Variants in GRAMD1B observed in about 807,000 individuals in gnomAD.
The protein encoded by GRAMD1B is GRAM domain containing 1B.
Under a neutral mutation model 99.7 loss-of-function variants are expected in GRAMD1B, and 37 were observed. The ratio of observed to expected loss-of-function variants is 0.37; its 90% CI spans 0.29 to 0.49. The LOEUF is 0.49. Ranked by LOEUF, GRAMD1B falls within the 20% of genes least tolerant of loss-of-function variation. GRAMD1B has a pLI of 0.98. For missense variants in GRAMD1B, 888 were observed against 1,009.2 expected, an observed-to-expected ratio of 0.88 and a Z score of 1.63; for synonymous variants, 427 against 387.6, an observed-to-expected ratio of 1.10 and a Z score of -1.19.
chr11:123,488,637 G>T (rs561479166), intron 2 of GRAMD1B, among the ~76,000 whole-genome samples: 4 of 151,468 alleles, frequency 2.6e-5, no homozygotes, highest in African/African-American at 7.3e-5. Flanking sequence ...TTCTCCCCTC[G>T]CCACCCCACG....
At chr11:123,595,740 A>G (rs949711062) in intron 6 of GRAMD1B, among the ~76,000 whole-genome samples, 3 of 152,214 alleles carry the variant, frequency 2.0e-5, no homozygotes, top group African/African-American at 4.8e-5. Context: ...ATGGCTGTAG[A>G]CAAGGCTCAG....
chr11:123,474,169 C>A (rs1302408463), intron 1 of GRAMD1B, among the ~76,000 whole-genome samples: 1 of 152,214 alleles, frequency 6.6e-6, no homozygotes, highest in Non-Finnish European at 1.5e-5. Flanking sequence ...ATGATACACT[C>A]ACCAAGGGCC....
chr11:123,524,860 C>T (rs1020042142), intron 2 of GRAMD1B, among the ~76,000 whole-genome samples: 2 of 152,126 alleles, frequency 1.3e-5, no homozygotes, highest in Non-Finnish European at 2.9e-5. Context: ...GTCACCCATC[C>T]GCATTACTGA....
At chr11:123,461,028 T>A (rs180727618) in intron 1 of GRAMD1B, among the ~76,000 whole-genome samples, 18 of 152,238 alleles carry the variant, frequency 1.2e-4, no homozygotes, top group Admixed American at 5.2e-4. Flanking sequence ...TTTTAAGAGG[T>A]TTGGCTTGTG....
intron 3 of GRAMD1B, among the ~76,000 whole-genome samples, chr11:123,582,996 G>A (rs1949551645): frequency 6.6e-6 from 1 of 152,204 alleles, no homozygotes; most frequent in Non-Finnish European, 1.5e-5. Context: ...ATGTGTGTGT[G>A]TGCATGCGCA....
rs865925803 is a variant in GRAMD1B, at chr11:123,587,556, G to A, written c.684+3224G>A. Among the ~76,000 whole-genome samples the A allele has an allele frequency of 1.2e-4, 19 of 152,216 alleles. No individual in the cohort carries two copies. The highest frequency in any genetic ancestry group is 4.1e-4 in the African/African-American group (17 of 41,454). On this transcript the variant is annotated intron_variant, in intron 4 of 19. Coordinates refer to ENST00000635736, the MANE Select transcript of GRAMD1B (RefSeq NM_001387025.1). This position sits in a 1 kb window ranked among gnomAD's most constrained non-coding sequence, Gnocchi z 4.2. ...AATTTACTCCCCCTCAGCCCCCAAC[G>A]GGGCATAACATCACAGGGGTTTCCT...
intron 1 of GRAMD1B, among the ~76,000 whole-genome samples, chr11:123,418,869 ACTGAGCATAAATGTAAGTGCTCAGT>A (rs1384309097): frequency 6.6e-6 from 1 of 152,074 alleles, no homozygotes; most frequent in Non-Finnish European, 1.5e-5. Context: ...ATAGACACTT[ACTGAGCATAAATGTAAGTGCTCAGT>A]CTGGAGCAGT....
In GRAMD1B at chr11:123,448,001, C is replaced by T. The variant is rs201942154; in HGVS notation, c.374+16835C>T. ...TTCAGTGTTGGCCTGCTTAAGATTC[C>T]GACTCCAGGTTTCTTCTTTTATATA... On this transcript the variant is annotated intron_variant, in intron 1 of 19. Transcript: ENST00000635736. Among the ~76,000 whole-genome samples the T allele has an allele frequency of 1.5e-4, 23 of 151,830 alleles. No homozygotes were observed. The East Asian group carries it at 2.9e-3, about 19-fold the overall frequency.
intron 3 of GRAMD1B, among the ~76,000 whole-genome samples, chr11:123,579,306 C>T (rs1375001773): frequency 6.6e-6 from 1 of 152,200 alleles, no homozygotes; most frequent in African/African-American, 2.4e-5. Context: ...ATAATAGTCC[C>T]AAGTCTCTCC....
At chr11:123,385,803 C>G (rs1947035235) in intron 1 of GRAMD1B, among the ~76,000 whole-genome samples, 1 of 152,178 alleles carries the variant, frequency 6.6e-6, no homozygotes, top group Non-Finnish European at 1.5e-5. Context: ...TTATTGTGGT[C>G]ATGGGATGAG....
chr11:123,415,095 C>CTTTTTTTTTTTTTTTTTTTTTT (rs1175202539), intron 1 of GRAMD1B, among the ~76,000 whole-genome samples: 21 of 75,832 alleles, frequency 2.8e-4, no homozygotes, highest in Non-Finnish European at 4.4e-4. Flanking sequence ...CTTTTTCTTT[C>CTTTTTTTTTTTTTTTTTTTTTT]TTTTTTTTTT....
rs535678007 is a variant in GRAMD1B, at chr11:123,383,934, G to A, written c.-176+25135G>A. Among the ~76,000 whole-genome samples, 17 of 151,956 alleles carry A rather than the reference G, an allele frequency of 1.1e-4. No individual in the cohort carries two copies. The South Asian group carries it at 3.3e-3, about 30-fold the overall frequency. On this transcript the variant is annotated intron_variant, in intron 1 of 20. Coordinates refer to the GRAMD1B transcript ENST00000638157. ...TGCCCAGGCTGGAGTGCAGTGACGC[G>A]ATCTCAGCTCACTGCAACCTCCACC...
chr11:123,622,219 C>T (rs1478182543), intron 19 of GRAMD1B, among the ~76,000 whole-genome samples: 1 of 152,122 alleles, frequency 6.6e-6, no homozygotes, highest in Non-Finnish European at 1.5e-5. Context: ...GATGGGGTCT[C>T]TCTGTGTTGC....
intron 1 of GRAMD1B, among the ~76,000 whole-genome samples, chr11:123,423,541 T>A (rs1948534877): frequency 6.6e-6 from 1 of 152,214 alleles, no homozygotes. Flanking sequence ...TTCCATTAAT[T>A]CATTCCCTAA....
chr11:123,613,356 A>G, intron 15 of GRAMD1B, 99 bp from the exon 16 acceptor site: 1 of 920,620 alleles, frequency 1.1e-6, no homozygotes, highest in Non-Finnish European at 1.7e-6. Flanking sequence ...CAACCCACCC[A>G]ACCAACTTCC....
chr11:123,594,012 C>A, intron 4 of GRAMD1B, 70 bp from the exon 5 acceptor site: 1 of 1,030,298 alleles, frequency 9.7e-7, no homozygotes, highest in Non-Finnish European at 1.5e-6. Flanking sequence ...AAGTGCTCCT[C>A]ATCTTGCCCT....
chr11:123,503,766 C>G (rs1243044412), intron 2 of GRAMD1B, among the ~76,000 whole-genome samples: 1 of 152,144 alleles, frequency 6.6e-6, no homozygotes, highest in Non-Finnish European at 1.5e-5. Flanking sequence ...AGACTGGTCT[C>G]AAACTCCTGA....
At position 123,613,466 on chromosome 11, in the gene GRAMD1B, G is replaced by A. The variant is rs371958694; in HGVS notation, c.2035G>A (p.Ala679Thr). The A allele has an allele frequency of 5.7e-5, 91 of 1,609,634 alleles. No individual in the cohort carries two copies. The highest frequency in any genetic ancestry group is 3.3e-4 in the Middle Eastern group (2 of 6,050). Residue 679 changes from alanine (A) to threonine (T), a missense_variant, in exon 16 of 20, where the codon GCC becomes ACC. Physicochemically the swap from Ala to Thr is moderately conservative, Grantham distance 58 (BLOSUM62 0). This residue lies in a region of GRAMD1B where 232 missense variants were observed against 261.7 expected (regional missense o/e 0.89). Coordinates refer to ENST00000635736, the MANE Select transcript of GRAMD1B (RefSeq NM_001387025.1). ...TTTGTCTCTGATAGAGAGCGAGCTG[G>A]CCAAAACGGAGAGCACTTATTTGGC... ...DYFRHLESEL[A>T]KTESTYLAEM... is the part of the protein sequence containing the mutation.
At position 123,577,671 on chromosome 11, in the gene GRAMD1B, C is replaced by T. The variant is rs117110435; in HGVS notation, c.663+94C>T. Reference sequence around the variant, plus strand: ...GCCGGAGAACATCTGCGAGGGTCCTCACGTGATGAACAGCCCTGATGGCTC... The same window carrying T: ...GCCGGAGAACATCTGCGAGGGTCCTTACGTGATGAACAGCCCTGATGGCTC... On this transcript the variant is annotated intron_variant, in intron 3 of 19. Transcript: ENST00000635736. The T allele has an allele frequency of 1.8e-3, 1,719 of 932,650 alleles. 25 individuals are homozygous for T. In the East Asian group the frequency reaches 0.033, roughly 18 times the overall value. The allele number at this position is 932,650 out of a possible 1,614,324, so 57.8% of individuals were successfully genotyped here. A position where few individuals can be genotyped will look rare whatever the true frequency, so the allele number is the denominator to read the frequency against.
Sources: gnomAD v4.1 joint callset for allele counts (sites outside exome capture counted in the v4.1 genomes callset) on GRCh38, gnomAD v4.1.1 for gene constraint, gnomAD v4.1.1 regional missense constraint, Gnocchi (gnomAD v3.1) non-coding constraint, MANE v1.5 for transcripts, NCBI Gene and HGNC (gene_info 2026-07-23, HGNC 2026-07-21) for gene names.